Variants in ABI3BP observed in about 807,000 individuals in gnomAD.
ABI3BP encodes the protein target of Nesh-SH3.
Under a neutral mutation model 268.6 loss-of-function variants are expected in ABI3BP, and 216 were observed. The ratio of observed to expected loss-of-function variants is 0.80; its 90% CI spans 0.72 to 0.90. The LOEUF is 0.90. ABI3BP is among the 40% of genes least tolerant of loss of function. The pLI, the probability that ABI3BP is intolerant of heterozygous loss-of-function variation, is 0.00. For missense variants in ABI3BP, 2,090 were observed against 2,182.4 expected, an observed-to-expected ratio of 0.96 and a Z score of 0.84; for synonymous variants, 730 against 730.0, an observed-to-expected ratio of 1.00 and a Z score of 0.00.
intron 11 of ABI3BP, chr3:100,864,521 C>T (rs1434497944): frequency 6.1e-6 from 2 of 329,350 alleles, no homozygotes; most frequent in African/African-American, 2.1e-5. Context: ...CTTCATTCTC[C>T]CCCAAGATTT....
chr3:100,977,964 C>T (rs974454112), intron 1 of ABI3BP, among the ~76,000 whole-genome samples: 24 of 152,086 alleles, frequency 1.6e-4, no homozygotes, highest in African/African-American at 5.6e-4. Flanking sequence ...TCACTTGACC[C>T]ATCCTAATTC....
chr3:100,833,288 T>C, intron 29 of ABI3BP, 131 bp from the exon 30 acceptor site: 7 of 792,416 alleles, frequency 8.8e-6, no homozygotes, highest in Non-Finnish European at 9.8e-6. Flanking sequence ...AGCAAACATT[T>C]TGAAGTTCTC....
chr3:100,850,747 A>T lies in ABI3BP; in HGVS notation c.1352-13T>A. ...CGATCACTTGTTGCTGTTGGAATAA[A>T]TGTCAACATTTGTAAAAGCAGTAGA... is the stretch of plus-strand genomic sequence containing the variant. On this transcript the variant is annotated splice_polypyrimidine_tract_variant and intron_variant, in intron 15 of 67. Coordinates refer to ENST00000471714, the MANE Select transcript of ABI3BP (RefSeq NM_001375547.2). 6.2e-7 allele frequency: 1 copy of T among 1,603,584 alleles called. No homozygotes were observed. Among genetic ancestry groups the T allele is most frequent in the Non-Finnish European group, 8.5e-7 (1 of 1,170,976 alleles).
In ABI3BP at chr3:100,929,058, C is replaced by A. The variant is rs552736311; in HGVS notation, c.80-2577G>T. 2.0e-5 allele frequency among the ~76,000 whole-genome samples: 3 copies of A among 152,116 alleles called. No individual in the cohort carries two copies. In the South Asian group the frequency reaches 6.2e-4, roughly 31 times the overall value. ...CAATAGAATGGAACCAATGTAAAAT[C>A]GAACACATATTCTGCTACCTTAGAA... On this transcript the variant is annotated intron_variant, in intron 1 of 67. Transcript: ENST00000471714.
chr3:100,968,957 G>A (rs1031856301), intron 1 of ABI3BP, among the ~76,000 whole-genome samples: 11 of 152,200 alleles, frequency 7.2e-5, no homozygotes, highest in African/African-American at 2.4e-4. Context: ...TTCTTTGAAT[G>A]GCAGTTTCTC....
chr3:100,943,476 T>A (rs549293318), intron 1 of ABI3BP, among the ~76,000 whole-genome samples: 3 of 152,096 alleles, frequency 2.0e-5, no homozygotes, highest in Non-Finnish European at 4.4e-5. Flanking sequence ...CCAAATGCCA[T>A]ACATCTGTGT....
At chr3:100,892,931 A>G (rs547063228) in intron 4 of ABI3BP, among the ~76,000 whole-genome samples, 14 of 152,208 alleles carry the variant, frequency 9.2e-5, no homozygotes, top group Non-Finnish European at 1.8e-4. Flanking sequence ...GATTGGATTG[A>G]AGGAAGCCAA....
chr3:100,875,347 C>T (rs2099150572), intron 8 of ABI3BP, among the ~76,000 whole-genome samples, 161 bp downstream of exon 8: 1 of 152,138 alleles, frequency 6.6e-6, no homozygotes, highest in Non-Finnish European at 1.5e-5. Context: ...TGGCTTGGCT[C>T]CTAGCCTGGA....
At chr3:100,921,432 G>A (rs1337032765) in intron 2 of ABI3BP, among the ~76,000 whole-genome samples, 1 of 151,722 alleles carries the variant, frequency 6.6e-6, no homozygotes, top group Non-Finnish European at 1.5e-5. Context: ...TGAGACATTA[G>A]CAAAATTACT....
At chr3:100,804,333 G>A (rs1303999354) in intron 51 of ABI3BP, among the ~76,000 whole-genome samples, 3 of 152,094 alleles carry the variant, frequency 2.0e-5, no homozygotes, top group African/African-American at 7.2e-5. Context: ...CCATCAATTT[G>A]TAAAATAGAA....
chr3:100,834,609 G>C, intron 29 of ABI3BP, 75 bp downstream of exon 29: 2 of 1,373,608 alleles, frequency 1.5e-6, no homozygotes, highest in Non-Finnish European at 2.0e-6. Flanking sequence ...GGGTTATAAA[G>C]TGGCATGTTA....
At chr3:100,815,186 A>C (rs2097994348) in intron 44 of ABI3BP, among the ~76,000 whole-genome samples, 2 of 152,144 alleles carry the variant, frequency 1.3e-5, no homozygotes, top group South Asian at 2.1e-4. Context: ...GTAGGTCTAG[A>C]AATCATTGAA....
intron 4 of ABI3BP, among the ~76,000 whole-genome samples, chr3:100,886,673 G>A (rs1186147162): frequency 6.6e-6 from 1 of 151,802 alleles, no homozygotes; most frequent in African/African-American, 2.4e-5. Flanking sequence ...ACATAGAGTA[G>A]AACATAGGTG....
rs60261694 is a variant in ABI3BP at position 100,841,194 on chromosome 3, C to CTTTTTTTTT, written c.1766-345_1766-337dup. 3.8e-3 allele frequency among the ~76,000 whole-genome samples: 152 copies of CTTTTTTTTT among 39,622 alleles called. 10 individuals carry two copies. Among genetic ancestry groups the CTTTTTTTTT allele is most frequent in the East Asian group, 4.1e-3 (4 of 984 alleles). The allele number at this position is 39,622 out of a possible 152,430, so 26.0% of individuals were successfully genotyped here. A position where few individuals can be genotyped will look rare whatever the true frequency, so the allele number is the denominator to read the frequency against. On this transcript the variant is annotated intron_variant, in intron 21 of 67. Coordinates refer to ENST00000471714, the MANE Select transcript of ABI3BP (RefSeq NM_001375547.2). The stretch of plus-strand genomic sequence containing the variant: ...AATTGGCTAAGATGGCATTAGAACA[C>CTTTTTTTTT]TTTTTTTTTTTTTTTTTTTTTTTTT...
chr3:100,963,105 T>G (rs2079744503), intron 1 of ABI3BP, among the ~76,000 whole-genome samples: 1 of 152,186 alleles, frequency 6.6e-6, no homozygotes, highest in Non-Finnish European at 1.5e-5. Context: ...TGTACATATA[T>G]GTTAACCCAT....
At chr3:100,778,548 A>G in intron 58 of ABI3BP, 172 bp from the exon 59 acceptor site, 1 of 632,324 alleles carries the variant, frequency 1.6e-6, no homozygotes, top group South Asian at 2.1e-5. Context: ...ATTCCTATAA[A>G]TAAATGTTGG....
intron 1 of ABI3BP, among the ~76,000 whole-genome samples, chr3:100,950,271 A>T (rs2074367817): frequency 6.6e-6 from 1 of 152,188 alleles, no homozygotes; most frequent in Admixed American, 6.5e-5. Flanking sequence ...GAACAAACAC[A>T]TACAATAGTT....
intron 55 of ABI3BP, among the ~76,000 whole-genome samples, chr3:100,791,690 T>C (rs1027048985): frequency 2.6e-5 from 4 of 151,734 alleles, no homozygotes; most frequent in African/African-American, 4.8e-5. Context: ...AATGAAGTAA[T>C]TGAATAAAAG....
At chr3:100,850,816 C>T (rs2098829187) in intron 15 of ABI3BP, 82 bp from the exon 16 acceptor site, 2 of 1,068,322 alleles carry the variant, frequency 1.9e-6, no homozygotes, top group Admixed American at 2.0e-5. Context: ...ATAAATTATG[C>T]CTCATATGAG....
Sources: allele counts gnomAD v4.1 joint callset (sites outside exome capture counted in the v4.1 genomes callset), GRCh38; gene constraint gnomAD v4.1.1; transcripts MANE v1.5; gene names NCBI Gene and HGNC (gene_info 2026-07-23, HGNC 2026-07-21).